The following APBB2 variants were observed in gnomAD, a reference collection of about 807,000 sequenced individuals.
The protein encoded by APBB2 is amyloid beta precursor protein binding family B member 2, also known as Fe65-like 1.
A neutral mutation model predicts 82.5 loss-of-function variants in APBB2; 38 were observed. The ratio of observed to expected loss-of-function variants is 0.46; its 90% CI spans 0.36 to 0.60. APBB2 has a LOEUF of 0.60. APBB2 is among the 20% of genes least tolerant of loss of function. The probability of loss-of-function intolerance (pLI) is 0.00; values close to 1 mark genes in which losing one functional copy is unlikely to be tolerated. For synonymous variants in APBB2, 341 were observed against 368.2 expected (o/e 0.93, Z 0.85); for missense variants, 772 against 972.3 (o/e 0.79, Z 2.74).
At chr4:40,947,507 G>C (rs1483881908) in intron 6 of APBB2, among the ~76,000 whole-genome samples, 1 of 152,222 alleles carries the variant, frequency 6.6e-6, no homozygotes, top group South Asian at 2.1e-4. Flanking sequence ...GGTACCTAGA[G>C]GTATCATGAG....
At chr4:41,208,486 T>C (rs975396548) in intron 1 of APBB2, among the ~76,000 whole-genome samples, 1 of 152,106 alleles carries the variant, frequency 6.6e-6, no homozygotes, top group Non-Finnish European at 1.5e-5. Flanking sequence ...GGTCTCAAAC[T>C]CCCGACCTCA....
At chr4:41,086,923 CACACA>C (rs753969149) in intron 3 of APBB2, among the ~76,000 whole-genome samples, 1 of 420 alleles carries the variant, frequency 2.4e-3, no homozygotes. Flanking sequence ...AAAAATTCCA[CACACA>C]CACACACACA....
At position 41,140,499 on chromosome 4, in the gene APBB2, T is replaced by C. The variant is rs564148949; in HGVS notation, c.-261+2488A>G. ...CCAACAGAATTCCTAATTCCATCTC[T>C]GTTCCCACAAAACTTTGTTCTTACC... On this transcript the variant is annotated intron_variant, in intron 2 of 17. Transcript: ENST00000508593. 1.8e-4 allele frequency among the ~76,000 whole-genome samples: 27 copies of C among 152,360 alleles called. No individual in the cohort carries two copies. The South Asian group carries it at 3.5e-3, about 20-fold the overall frequency.
intron 12 of APBB2, among the ~76,000 whole-genome samples, chr4:40,875,157 CA>C (rs1766567100): frequency 6.6e-6 from 1 of 152,202 alleles, no homozygotes; most frequent in Non-Finnish European, 1.5e-5. Context: ...CAGCAGGGAA[CA>C]TGTCATGTCT....
At chr4:41,004,206 A>G (rs1017770830) in intron 6 of APBB2, among the ~76,000 whole-genome samples, 101 of 152,172 alleles carry the variant, frequency 6.6e-4, no homozygotes, top group African/African-American at 2.4e-3. Context: ...GGTGTGAGCC[A>G]CTGCGCCCGG....
intron 12 of APBB2, among the ~76,000 whole-genome samples, chr4:40,836,531 G>A (rs760994393): frequency 3.9e-5 from 6 of 152,152 alleles, no homozygotes; most frequent in Non-Finnish European, 7.4e-5. Context: ...AAGGCCTGGC[G>A]ACTGGGGAAG....
At chr4:40,904,546 T>C (rs996567651) in intron 10 of APBB2, among the ~76,000 whole-genome samples, 29 of 152,050 alleles carry the variant, frequency 1.9e-4, no homozygotes, top group African/African-American at 6.8e-4. Context: ...GGCAAGCTTT[T>C]CAAGATTCAA....
chr4:40,996,680 T>C (rs1011082441), intron 6 of APBB2, among the ~76,000 whole-genome samples: 1 of 152,262 alleles, frequency 6.6e-6, no homozygotes, highest in African/African-American at 2.4e-5. Context: ...TCTGACATAT[T>C]TGATTCTACT....
intron 1 of APBB2, among the ~76,000 whole-genome samples, chr4:41,183,499 C>T (rs1176206416): frequency 6.6e-6 from 1 of 152,006 alleles, no homozygotes; most frequent in Non-Finnish European, 1.5e-5. Context: ...GCCCCAATTC[C>T]AATATGAATG....
intron 2 of APBB2, among the ~76,000 whole-genome samples, chr4:41,103,929 A>C (rs1746284652): frequency 1.3e-5 from 2 of 152,360 alleles, no homozygotes; most frequent in South Asian, 4.1e-4. Flanking sequence ...GGGATGTTTA[A>C]AGTTTATAAA....
At chr4:40,890,679 C>CAA (rs1231235342) in intron 11 of APBB2, among the ~76,000 whole-genome samples, 188 bp from the exon 12 acceptor site, 1 of 152,170 alleles carries the variant, frequency 6.6e-6, no homozygotes, top group Admixed American at 6.6e-5. Context: ...CTCATACACC[C>CAA]AATTTCTCTC....
At position 40,935,145 on chromosome 4, in the gene APBB2, C is replaced by T. The variant is rs6846076; in HGVS notation, c.1045-6G>A. On this transcript the variant is annotated splice_region_variant and splice_polypyrimidine_tract_variant and intron_variant, in intron 7 of 17. Coordinates refer to ENST00000508593, the MANE Select transcript of APBB2 (RefSeq NM_004307.2). ...AAATCACTCCATGGCTGTTTCTAGACATATAATTATTCACATAGGAAAAAA... is the reference window on the plus strand; with the variant it reads ...AAATCACTCCATGGCTGTTTCTAGATATATAATTATTCACATAGGAAAAAA... 1,548 of 1,505,346 alleles carry T rather than the reference C, an allele frequency of 1.0e-3. 7 individuals are homozygous for T. In the African/African-American group the frequency reaches 0.014, roughly 14 times the overall value. 93.2% of individuals were successfully genotyped at this position (1,505,346 alleles called of 1,614,324 possible). A position where few individuals can be genotyped will look rare whatever the true frequency, so the allele number is the denominator to read the frequency against.
At chr4:41,033,939 G>A (rs1718101502) in intron 4 of APBB2, among the ~76,000 whole-genome samples, 1 of 152,152 alleles carries the variant, frequency 6.6e-6, no homozygotes, top group Non-Finnish European at 1.5e-5. Flanking sequence ...AAATAACAAT[G>A]TCTAACTGGA....
At chr4:41,173,775 G>T (rs1395193949) in intron 1 of APBB2, among the ~76,000 whole-genome samples, 1 of 151,968 alleles carries the variant, frequency 6.6e-6, no homozygotes, top group Non-Finnish European at 1.5e-5. Flanking sequence ...TGTGTAATAA[G>T]CTATACCATC....
chr4:41,102,539 C>T (rs1056805729), intron 2 of APBB2, among the ~76,000 whole-genome samples: 6 of 152,296 alleles, frequency 3.9e-5, no homozygotes, highest in Admixed American at 3.9e-4. Context: ...TGCAAGAATA[C>T]TAGGTTATCG....
chr4:41,051,869 C>T (rs1279692958), intron 4 of APBB2, among the ~76,000 whole-genome samples: 1 of 152,188 alleles, frequency 6.6e-6, no homozygotes, highest in Non-Finnish European at 1.5e-5. Flanking sequence ...CTTTGAGTGT[C>T]TCTTTAGGTA....
chr4:41,079,307 C>A (rs1355220561), intron 3 of APBB2, among the ~76,000 whole-genome samples: 1 of 152,158 alleles, frequency 6.6e-6, no homozygotes, highest in African/African-American at 2.4e-5. Flanking sequence ...TTGCTTAAAC[C>A]ATTAAGCTAG....
intron 5 of APBB2, among the ~76,000 whole-genome samples, chr4:41,029,170 T>G (rs528212586): frequency 2.6e-5 from 4 of 152,298 alleles, no homozygotes; most frequent in Admixed American, 6.5e-5. Context: ...CACTGAGGAG[T>G]TAATAGTGAA....
intron 12 of APBB2, among the ~76,000 whole-genome samples, chr4:40,886,824 G>A (rs16852589): frequency 6.6e-6 from 1 of 152,180 alleles, no homozygotes; most frequent in Non-Finnish European, 1.5e-5. Flanking sequence ...TGCTCCTGGG[G>A]CTGAACTAGA....
Sources: gnomAD v4.1 joint callset for allele counts (sites outside exome capture counted in the v4.1 genomes callset) on GRCh38, gnomAD v4.1.1 for gene constraint, MANE v1.5 for transcripts, NCBI Gene and HGNC (gene_info 2026-07-23, HGNC 2026-07-21) for gene names.